The following GTF3C3 variants were observed in gnomAD, a reference collection of about 807,000 sequenced individuals.
GTF3C3 encodes general transcription factor 3C polypeptide 3.
A neutral mutation model predicts 105.2 loss-of-function variants in GTF3C3; 75 were observed. The observed-to-expected ratio is 0.71, with a 90% CI of 0.59 to 0.86. The LOEUF (loss-of-function observed/expected upper bound fraction) is 0.86, where lower values mean the gene tolerates loss of function less well. GTF3C3 is among the 40% of genes least tolerant of loss of function. The pLI, the probability that GTF3C3 is intolerant of heterozygous loss-of-function variation, is 0.00. For missense variants in GTF3C3, 856 were observed against 1,076.5 expected (o/e 0.80, Z 2.87); for synonymous variants, 335 against 370.4 (o/e 0.90, Z 1.10).
rs1386275560 is a variant in GTF3C3 at position 196,776,439 on chromosome 2, AT to A, written c.1580del (p.Asn527MetfsTer7). The A allele has an allele frequency of 6.2e-7, 1 of 1,613,688 alleles. No individual in the cohort carries two copies. On this transcript the variant is annotated frameshift_variant, in exon 11 of 18. Coordinates refer to ENST00000263956, the MANE Select transcript of GTF3C3 (RefSeq NM_012086.5). LOFTEE classifies it high-confidence loss of function. This position sits in a 1 kb window ranked among gnomAD's most constrained non-coding sequence, Gnocchi z 4.5. ...YDPDTLAQDANAAQQELKLLL... is the reference protein window; with the variant it reads ...YDPDTLAQDAXAAQQELKLLL... Reference sequence around the variant, plus strand: ...TGACATGGCCCACCTGCTGTGCAGCATTTGCATCCTGTGCTAAAGTATCTGG... The same window carrying A: ...TGACATGGCCCACCTGCTGTGCAGCATTGCATCCTGTGCTAAAGTATCTGG...
chr2:196,790,188 C>T (rs1023071598), intron 4 of GTF3C3, 118 bp from the exon 5 acceptor site: 12 of 549,522 alleles, frequency 2.2e-5, no homozygotes, highest in Admixed American at 1.9e-4. Flanking sequence ...TCAAATCACT[C>T]TAGCAGAATT....
chr2:196,781,357 A>AAAAAAAAAAAT, intron 8 of GTF3C3, among the ~76,000 whole-genome samples: 1 of 18,818 alleles, frequency 5.3e-5, no homozygotes, highest in African/African-American at 1.0e-4. Context: ...AAAAAAAAAA[A>AAAAAAAAAAAT]ATATATATAT....
In GTF3C3 at chr2:196,776,284, C is replaced by T; in HGVS notation, c.1593+143G>A. On this transcript the variant is annotated intron_variant, in intron 11 of 17. Coordinates refer to ENST00000263956, the MANE Select transcript of GTF3C3 (RefSeq NM_012086.5). The surrounding 1 kb of genome is among the most constrained non-coding windows in gnomAD (Gnocchi z 4.5). ...TTGTAACCCAACCAGTGGCTGAAAT[C>T]CAATACTTAAAATCATTTTTCAAAA... 4.0e-6 allele frequency: 3 copies of T among 744,886 alleles called. No individual in the cohort carries two copies. Among genetic ancestry groups the T allele is most frequent in the Middle Eastern group, 4.0e-4 (1 of 2,504 alleles). The allele number at this position is 744,886 out of a possible 1,614,324, so 46.1% of individuals were successfully genotyped here.
At chr2:196,789,473 A>G (rs1699510382) in intron 5 of GTF3C3, 104 bp from the exon 6 acceptor site, 1 of 705,066 alleles carries the variant, frequency 1.4e-6, no homozygotes, top group African/African-American at 1.8e-5. Flanking sequence ...AATCCATCAA[A>G]TGGAACCAAG....
chr2:196,764,807 TAA>T (rs56828869), intron 17 of GTF3C3, 122 bp from the exon 18 acceptor site: 6 of 681,384 alleles, frequency 8.8e-6, no homozygotes, highest in South Asian at 2.6e-5. Flanking sequence ...GCTCATGTAC[TAA>T]AAAAAAATTA....
chr2:196,781,353 A>ATATCTATATATATATATAT (rs1376220822), intron 8 of GTF3C3, among the ~76,000 whole-genome samples: 1 of 23,130 alleles, frequency 4.3e-5, no homozygotes, highest in African/African-American at 8.5e-5. Flanking sequence ...AAAAAAAAAA[A>ATATCTATATATATATATAT]AAAAATATAT....
chr2:196,779,127 T>G, intron 9 of GTF3C3, 60 bp from the exon 10 acceptor site: 11 of 1,247,362 alleles, frequency 8.8e-6, no homozygotes, highest in Non-Finnish European at 1.3e-5. Context: ...CATCTATCTA[T>G]AGCTTTTTTT....
At chr2:196,785,398 AACAC>A in intron 7 of GTF3C3, 39 bp downstream of exon 7, 1 of 1,276,188 alleles carries the variant, frequency 7.8e-7, no homozygotes, top group Non-Finnish European at 1.0e-6. Flanking sequence ...AGAACACAGA[AACAC>A]ATGCAAAACT....
At chr2:196,782,192 G>T (rs1699377915) in intron 8 of GTF3C3, among the ~76,000 whole-genome samples, 1 of 152,160 alleles carries the variant, frequency 6.6e-6, no homozygotes, top group Admixed American at 6.5e-5. Context: ...AAGCTTGTTT[G>T]TCCCTTTTGC....
intron 8 of GTF3C3, among the ~76,000 whole-genome samples, chr2:196,781,828 C>T (rs553834100): frequency 1.8e-4 from 28 of 152,256 alleles, no homozygotes; most frequent in African/African-American, 6.5e-4. Flanking sequence ...ACACTAAGCC[C>T]TGAGCTCCAT....
rs1310551085 is a variant in GTF3C3, at chr2:196,766,658, G to A, written c.2445C>T (p.Tyr815=). ...SLRGPCQESF[Y]NLGRGLHQLG... is the part of the protein sequence containing the mutation. The stretch of plus-strand genomic sequence containing the variant: ...ACTGATGAAGGCCACGGCCCAAATT[G>A]TAGAATGATTCCTGGCAGGGCCCAC... The change falls in exon 17 of 18, where the codon TAC becomes TAT. Residue 815 remains tyrosine, a synonymous_variant. Transcript: ENST00000263956. The A allele has an allele frequency of 6.2e-7, 1 of 1,613,582 alleles. No homozygotes were observed.
chr2:196,772,022 T>TA, intron 14 of GTF3C3, 84 bp from the exon 15 acceptor site: 1 of 851,070 alleles, frequency 1.2e-6, no homozygotes, highest in Non-Finnish European at 2.0e-6. Flanking sequence ...AGTGCTGTCC[T>TA]ACCAGCACTG....
chr2:196,791,228 C>T, intron 4 of GTF3C3, 109 bp downstream of exon 4: 1 of 1,031,976 alleles, frequency 9.7e-7, no homozygotes, highest in East Asian at 2.4e-5. Context: ...CCACAATCAC[C>T]CTTAAGCTTC....
Position 196,782,205 on chromosome 2 carries a change from C to T in GTF3C3, c.1115-1543G>A, listed in dbSNP as rs897899936. Among the ~76,000 whole-genome samples, 7 of 152,108 alleles carry T rather than the reference C, an allele frequency of 4.6e-5. 1 individual carries two copies. The highest frequency in any genetic ancestry group is 2.1e-4 in the South Asian group (1 of 4,826). On this transcript the variant is annotated intron_variant, in intron 8 of 17. Coordinates refer to ENST00000263956, the MANE Select transcript of GTF3C3 (RefSeq NM_012086.5). ...AGAAGCTTGTTTGTCCCTTTTGCCA[C>T]GTGAGGACACAGCAAGAAGGCACCA...
intron 16 of GTF3C3, among the ~76,000 whole-genome samples, chr2:196,768,047 A>G (rs1409678704): frequency 6.6e-6 from 1 of 152,204 alleles, no homozygotes; most frequent in Admixed American, 6.5e-5. Flanking sequence ...TCCCAAATGG[A>G]GTCTTGCTCT....
chr2:196,765,420 A>ATCTC (rs1312381540), intron 17 of GTF3C3, among the ~76,000 whole-genome samples: 1 of 152,064 alleles, frequency 6.6e-6, no homozygotes, highest in East Asian at 1.9e-4. Flanking sequence ...TTAATAAACA[A>ATCTC]TCTCTTAGGT....
chr2:196,793,299 C>T, intron 2 of GTF3C3, 147 bp from the exon 3 acceptor site: 2 of 609,528 alleles, frequency 3.3e-6, no homozygotes, highest in Non-Finnish European at 5.9e-6. Context: ...AAAAACCAAA[C>T]CAAAGAAGAA....
At chr2:196,782,280 A>G (rs778970598) in intron 8 of GTF3C3, among the ~76,000 whole-genome samples, 1 of 152,216 alleles carries the variant, frequency 6.6e-6, no homozygotes, top group Non-Finnish European at 1.5e-5. Flanking sequence ...GGTGCCCTGG[A>G]CTTCCTAATC....
chr2:196,799,598 C>G lies in GTF3C3; in HGVS notation c.14G>C (p.Ser5Thr), dbSNP rs1238794130. 6.2e-7 allele frequency: 1 copy of G among 1,613,218 alleles called. No individual in the cohort carries two copies. The highest frequency in any genetic ancestry group is 1.7e-5 in the Admixed American group (1 of 60,028). Residue 5 changes from serine (S) to threonine (T), a missense_variant, in exon 1 of 18, where the codon AGT becomes ACT. Physicochemically the swap from Ser to Thr is moderately conservative, Grantham distance 58. Transcript: ENST00000263956. The stretch of plus-strand genomic sequence containing the variant: ...TTCCAAGTAGTCGATGAGTTCCGGA[C>G]TGAACCCTGACATGTTTACAGGGTC... MSGF[S>T]PELIDYLEGK... is the part of the protein sequence containing the mutation.
Sources: gnomAD v4.1 joint callset for allele counts (sites outside exome capture counted in the v4.1 genomes callset) on GRCh38, gnomAD v4.1.1 for gene constraint, Gnocchi (gnomAD v3.1) non-coding constraint, MANE v1.5 for transcripts, NCBI Gene and HGNC (gene_info 2026-07-23, HGNC 2026-07-21) for gene names.